SLC15A3: variants seen among roughly 807,000 people sequenced by gnomAD.
SLC15A3 encodes the protein solute carrier family 15 member 3.
SLC15A3 carries 39 observed loss-of-function variants against 49.2 expected under a neutral mutation model. That is an observed-to-expected ratio of 0.79 (90% CI 0.61 to 1.04). The LOEUF (loss-of-function observed/expected upper bound fraction) is 1.04. Among genes scored for constraint, SLC15A3 ranks in the 50% least tolerant of loss-of-function variants. The probability of loss-of-function intolerance (pLI) is 0.00; values close to 1 mark genes in which losing one functional copy is unlikely to be tolerated. For missense variants in SLC15A3, 758 were observed against 794.8 expected, an observed-to-expected ratio of 0.95 and a Z score of 0.56; for synonymous variants, 339 against 367.0, an observed-to-expected ratio of 0.92 and a Z score of 0.87.
At chr11:60,939,175 GGT>G (rs1414938061) in intron 6 of SLC15A3, among the ~76,000 whole-genome samples, 1 of 152,244 alleles carries the variant, frequency 6.6e-6, no homozygotes, top group Non-Finnish European at 1.5e-5. Flanking sequence ...TTCAGTCTAA[GGT>G]AGAGGGAACA....
At chr11:60,948,406 A>G (rs1224037803) in intron 1 of SLC15A3, among the ~76,000 whole-genome samples, 4 of 152,206 alleles carry the variant, frequency 2.6e-5, no homozygotes, top group Non-Finnish European at 2.9e-5. Context: ...GTTCTTTTAG[A>G]ATGAGCAGAT....
At position 60,941,216 on chromosome 11, in the gene SLC15A3, G is replaced by A. The variant is rs187375891; in HGVS notation, c.1182C>T (p.Ile394=). ...GCTTGCACCGCAGCAGTAAAGGGTC[G>A]ATCAAGCGGTCCTTCAGAGGGACCA... The part of the protein sequence containing the change: ...LILVPLKDRL[I]DPLLLRCKLL... Residue 394 remains isoleucine, a synonymous_variant, in exon 5 of 8, where the codon ATC becomes ATT. Transcript: ENST00000227880. The A allele has an allele frequency of 1.5e-5, 24 of 1,614,020 alleles. No homozygotes were observed. Among genetic ancestry groups the A allele is most frequent in the Non-Finnish European group, 1.8e-5 (21 of 1,180,022 alleles).
Position 60,946,710 on chromosome 11 carries a change from T to C in SLC15A3, c.670A>G (p.Ile224Val), listed in dbSNP as rs544936334. ...ATGCTGTAGCCCAGCAGGAAGCTGA[T>C]GTTCTGCTGAATAAACGCCACCACC... Reference protein sequence around the residue: ...LLVVAFIQQNISFLLGYSIPV... With the variant: ...LLVVAFIQQNVSFLLGYSIPV... Residue 224 changes from isoleucine (I) to valine (V), a missense_variant, in exon 2 of 8, where the codon ATC (isoleucine) becomes GTC (valine). Transcript: ENST00000227880. 55 of 1,614,178 alleles carry C rather than the reference T, an allele frequency of 3.4e-5. No individual in the cohort carries two copies. The highest frequency in any genetic ancestry group is 4.4e-5 in the Non-Finnish European group (52 of 1,180,022).
At chr11:60,942,395 G>A (rs1856726220) in intron 3 of SLC15A3, 2 of 427,814 alleles carry the variant, frequency 4.7e-6, no homozygotes, top group Non-Finnish European at 8.7e-6. Flanking sequence ...GGCACAGCTG[G>A]TCTGACTAGT....
At chr11:60,941,386 C>T in intron 4 of SLC15A3, 96 bp from the exon 5 acceptor site, 1 of 1,318,542 alleles carries the variant, frequency 7.6e-7, no homozygotes, top group Non-Finnish European at 1.0e-6. Context: ...CTGGGTGACC[C>T]TGGGGTCCAG....
In SLC15A3 at chr11:60,951,085, T is replaced by C; in HGVS notation, c.467A>G (p.Tyr156Cys). 1.3e-6 allele frequency: 2 copies of C among 1,482,634 alleles called. No individual in the cohort carries two copies. The highest frequency in any genetic ancestry group is 1.8e-6 in the Non-Finnish European group (2 of 1,126,122). 91.8% of individuals were successfully genotyped at this position (1,482,634 alleles called of 1,614,324 possible). ...AGCPRSSPSP[Y>C]CAPVLYAGLL... Reference sequence around the variant, plus strand: ...GCCCGCGTAGAGGACGGGCGCGCAGTAGGGGCTGGGCGAGGAGCGCGGGCA... The same window carrying C: ...GCCCGCGTAGAGGACGGGCGCGCAGCAGGGGCTGGGCGAGGAGCGCGGGCA... Residue 156 changes from tyrosine to cysteine, a missense_variant, in exon 1 of 8, where the codon TAC (tyrosine) becomes TGC (cysteine). Coordinates refer to ENST00000227880, the MANE Select transcript of SLC15A3 (RefSeq NM_016582.3).
chr11:60,937,396 T>G, intron 7 of SLC15A3, 23 bp from the exon 8 acceptor site: 2 of 1,613,810 alleles, frequency 1.2e-6, no homozygotes, highest in Non-Finnish European at 1.7e-6. Flanking sequence ...GGGGTTAGAT[T>G]TGGGTCAGGA....
chr11:60,947,056 G>T (rs2134937113), intron 1 of SLC15A3, among the ~76,000 whole-genome samples: 1 of 152,344 alleles, frequency 6.6e-6, no homozygotes, highest in East Asian at 1.9e-4. Context: ...AGCTGCTTTT[G>T]CATACCCATG....
chr11:60,946,560 G>A lies in SLC15A3; in HGVS notation c.820C>T (p.Pro274Ser). 3.8e-6 allele frequency: 6 copies of A among 1,584,194 alleles called. No individual in the cohort carries two copies. Among genetic ancestry groups the A allele is most frequent in the Non-Finnish European group, 5.2e-6 (6 of 1,160,914 alleles). ...MLKLALQNCCPQLWQRHSARD... is the reference protein window; with the variant it reads ...MLKLALQNCCSQLWQRHSARD... ...GCCGAGTGTCGTTGCCACAGCTGGG[G>A]GCAGCAGTTTTGGAGAGCGAGCTTA... The change falls in exon 2 of 8, where the codon CCC (proline) becomes TCC (serine). Residue 274 changes from proline to serine, a missense_variant. By Grantham distance (74) the Pro-to-Ser change is moderately conservative. Around this residue, in one of 3 missense-constraint regions of SLC15A3, gnomAD observed 699 missense variants for 706.7 expected, o/e 0.99. Transcript: ENST00000227880.
chr11:60,943,784 C>G lies in SLC15A3; in HGVS notation c.901G>C (p.Ala301Pro), dbSNP rs768065031. The G allele has an allele frequency of 3.7e-6, 6 of 1,603,636 alleles. No individual in the cohort carries two copies. In the African/African-American group the frequency reaches 5.4e-5, roughly 14 times the overall value. ...LADERSPQPG[A>P]SPQEDIANFQ... ...TTGGCGATGTCCTCTTGCGGGGAAG[C>G]CCCTGGCTGGGGAGACCTCTCGTCG... The change falls in exon 3 of 8, where the codon GCT becomes CCT. Residue 301 changes from alanine to proline, a missense_variant. By Grantham distance (27) the Ala-to-Pro change is conservative. This residue lies in a region of SLC15A3 where 699 missense variants were observed against 706.7 expected (regional missense o/e 0.99). Coordinates refer to ENST00000227880, the MANE Select transcript of SLC15A3 (RefSeq NM_016582.3).
At chr11:60,949,503 GGAAAGAAAGAAAGAAAGAAAGAAAGAAA>G (rs1205207226) in intron 1 of SLC15A3, among the ~76,000 whole-genome samples, 2 of 64,722 alleles carry the variant, frequency 3.1e-5, no homozygotes, top group African/African-American at 5.3e-5. Context: ...AAAGAAAGAA[GGAAAGAAAGAAAGAAAGAAAGAAAGAAA>G]GAAAGAAAGA....
intron 6 of SLC15A3, 88 bp from the exon 7 acceptor site, chr11:60,938,113 C>G: frequency 6.9e-7 from 1 of 1,454,888 alleles, no homozygotes. Context: ...CTGACCCTGC[C>G]CCCACCAAGC....
rs544861513 is a variant in SLC15A3, at chr11:60,937,871, A to T, written c.1590T>A (p.Phe530Leu). 6 of 1,613,908 alleles carry T rather than the reference A, an allele frequency of 3.7e-6. No homozygotes were observed. The South Asian group carries it at 6.6e-5, about 18-fold the overall frequency. Residue 530 changes from phenylalanine to leucine, a missense_variant and splice_region_variant, in exon 7 of 8, where the codon TTT becomes TTA. Phe to Leu is a conservative substitution (Grantham distance 22). Transcript: ENST00000227880. ...CTCCTGGGGAGGCCCCATACTCACC[A>T]AAGTCCTTGGGGCAGTGCAGCCAGC... Reference protein sequence around the residue: ...PGGWLHCPKDFGNINNCRMDL... With the variant: ...PGGWLHCPKDLGNINNCRMDL...
rs2134946245 is a variant in SLC15A3 at position 60,951,225 on chromosome 11, C to G, written c.327G>C (p.Leu109=). 1 of 1,508,660 alleles carries G rather than the reference C, an allele frequency of 6.6e-7. No individual in the cohort carries two copies. The highest frequency in any genetic ancestry group is 2.7e-5 in the East Asian group (1 of 36,464). The allele number at this position is 1,508,660 out of a possible 1,614,324, so 93.5% of individuals were successfully genotyped here. The change falls in exon 1 of 8, where the codon CTG becomes CTC. Residue 109 remains leucine, a synonymous_variant. Coordinates refer to ENST00000227880, the MANE Select transcript of SLC15A3 (RefSeq NM_016582.3). ...GCAGGCCCGAGGCGGCCAGGTAGAG[C>G]AGCAGGCTGAGCGCGACCGCGCGGT... ...GRYRAVALSL[L]LYLAASGLLP...
intron 6 of SLC15A3, 74 bp from the exon 7 acceptor site, chr11:60,938,099 G>A: frequency 6.6e-7 from 1 of 1,513,402 alleles, no homozygotes; most frequent in Non-Finnish European, 8.9e-7. Context: ...CCTGCTTGCT[G>A]CCCCTGACCC....
chr11:60,946,603 G>A lies in SLC15A3; in HGVS notation c.777C>T (p.Ser259=), dbSNP rs1417615540. Residue 259 remains serine (S), a synonymous_variant, in exon 2 of 8, where the codon AGC becomes AGT. Transcript: ENST00000227880. ...CGAGCTTAAGCATAGAGGACACTTG[G>A]CTGCCCATCGGGGGCTTGGTGATGA... The part of the protein sequence containing the change: ...PVFITKPPMG[S]QVSSMLKLAL... 6.2e-7 allele frequency: 1 copy of A among 1,613,136 alleles called. No individual in the cohort carries two copies. The highest frequency in any genetic ancestry group is 1.1e-5 in the South Asian group (1 of 91,038).
At chr11:60,950,124 C>G (rs527263937) in intron 1 of SLC15A3, among the ~76,000 whole-genome samples, 1 of 152,326 alleles carries the variant, frequency 6.6e-6, no homozygotes, top group South Asian at 2.1e-4. Flanking sequence ...GAAGACCAGG[C>G]AGCCCATTCA....
At position 60,946,800 on chromosome 11, in the gene SLC15A3, C is replaced by A; in HGVS notation, c.580G>T (p.Ala194Ser). ...AACCAGTTGAAGAAGCGGCGGGTGG[C>A]GTCGCGGCCGAGATCCATCACCTGC... Reference protein sequence around the residue: ...ADQVMDLGRDATRRFFNWFYW... With the variant: ...ADQVMDLGRDSTRRFFNWFYW... Residue 194 changes from alanine to serine, a missense_variant, in exon 2 of 8, where the codon GCC (alanine) becomes TCC (serine). Coordinates refer to ENST00000227880, the MANE Select transcript of SLC15A3 (RefSeq NM_016582.3). 6.2e-7 allele frequency: 1 copy of A among 1,611,192 alleles called. No individual in the cohort carries two copies. The highest frequency in any genetic ancestry group is 1.1e-5 in the South Asian group (1 of 91,000).
intron 2 of SLC15A3, among the ~76,000 whole-genome samples, chr11:60,944,448 A>G (rs116513203): frequency 0.012 from 1,855 of 152,088 alleles, 44 homozygotes; most frequent in African/African-American, 0.043. Flanking sequence ...CTCTTTTTCA[A>G]TGTTGGCACC....
Sources: gnomAD v4.1 joint callset for allele counts (sites outside exome capture counted in the v4.1 genomes callset) on GRCh38, gnomAD v4.1.1 for gene constraint, gnomAD v4.1.1 regional missense constraint, MANE v1.5 for transcripts, NCBI Gene and HGNC (gene_info 2026-07-23, HGNC 2026-07-21) for gene names.